The following USP42 variants were observed in gnomAD, a reference collection of about 807,000 sequenced individuals.
The protein encoded by USP42 is ubiquitin specific peptidase 42, also known as ubiquitin carboxyl-terminal hydrolase 42.
A neutral mutation model predicts 113.0 loss-of-function variants in USP42; 23 were observed. The observed-to-expected ratio is 0.20, with a 90% CI of 0.15 to 0.29. The LOEUF (loss-of-function observed/expected upper bound fraction) is 0.29. USP42 is among the 10% of genes least tolerant of loss of function. The pLI is 1.00. For missense variants in USP42, 2,174 were observed against 1,779.8 expected, an observed-to-expected ratio of 1.22 and a Z score of -3.99; for synonymous variants, 933 against 699.0, an observed-to-expected ratio of 1.33 and a Z score of -5.28.
chr7:6,134,152 A>G (rs1445449564), intron 3 of USP42, among the ~76,000 whole-genome samples: 1 of 151,936 alleles, frequency 6.6e-6, no homozygotes, highest in Non-Finnish European at 1.5e-5. Flanking sequence ...TAGCTTCCCA[A>G]AGTGCTGGGA....
Position 6,154,867 on chromosome 7 carries a change from C to T in USP42, c.3313C>T (p.Pro1105Ser). 6.6e-7 allele frequency: 1 copy of T among 1,525,608 alleles called. No individual in the cohort carries two copies. Among genetic ancestry groups the T allele is most frequent in the South Asian group, 1.2e-5 (1 of 81,630 alleles). The allele number at this position is 1,525,608 out of a possible 1,614,324, so 94.5% of individuals were successfully genotyped here. ...CAACCGGGGCCGTAGGGGCTGCGAGCCGGCCCGGGAGAGGGAGCGGCACCG... is the reference window on the plus strand; with the variant it reads ...CAACCGGGGCCGTAGGGGCTGCGAGTCGGCCCGGGAGAGGGAGCGGCACCG... ...DHNRGRRGCEPARERERHRPS... is the reference protein window; with the variant it reads ...DHNRGRRGCESARERERHRPS... Residue 1105 changes from proline to serine, a missense_variant, in exon 15 of 18, where the codon CCG (proline) becomes TCG (serine). Coordinates refer to ENST00000306177, the MANE Select transcript of USP42 (RefSeq NM_032172.3).
chr7:6,160,094 T>C (rs989953605), intron 17 of USP42, among the ~76,000 whole-genome samples: 4 of 152,196 alleles, frequency 2.6e-5, no homozygotes, highest in African/African-American at 9.6e-5. Flanking sequence ...CTGACCCTTG[T>C]GGAGCTAGAG....
chr7:6,154,507 C>T lies in USP42; in HGVS notation c.2953C>T (p.Pro985Ser). ...CCGTCACCGGCGGCGCCGCACCTGCCCCCGGGAGCGCGACCGCCAGGACCG... is the reference window on the plus strand; with the variant it reads ...CCGTCACCGGCGGCGCCGCACCTGCTCCCGGGAGCGCGACCGCCAGGACCG... ...GHRHRRRRTC[P>S]RERDRQDRHA... The change falls in exon 15 of 18, where the codon CCC becomes TCC. Residue 985 changes from proline (P) to serine (S), a missense_variant. Coordinates refer to ENST00000306177, the MANE Select transcript of USP42 (RefSeq NM_032172.3). 2.6e-6 allele frequency: 4 copies of T among 1,542,468 alleles called. No homozygotes were observed. Among genetic ancestry groups the T allele is most frequent in the Non-Finnish European group, 3.5e-6 (4 of 1,144,066 alleles).
At chr7:6,147,943 A>C in intron 12 of USP42, 51 bp downstream of exon 12, 1 of 1,530,968 alleles carries the variant, frequency 6.5e-7, no homozygotes, top group Non-Finnish European at 8.9e-7. Flanking sequence ...TTAAAATGTA[A>C]CTTCAAACTC....
chr7:6,147,903 T>G lies in USP42; in HGVS notation c.1386+11T>G. 6.3e-7 allele frequency: 1 copy of G among 1,575,800 alleles called. No homozygotes were observed. The highest frequency in any genetic ancestry group is 8.6e-7 in the Non-Finnish European group (1 of 1,156,346). On this transcript the variant is annotated intron_variant, in intron 12 of 17. Transcript: ENST00000306177. ...TCTCACATGATAAAGGTAACAGTCC[T>G]TAGGGAGAAGAACATTTTTATGTTA...
the USP42 span, among the ~76,000 whole-genome samples, chr7:6,094,050 T>C: frequency 2.7e-5 from 4 of 150,568 alleles, 1 homozygote; most frequent in African/African-American, 1.0e-4. Context: ...CCGGCTAATT[T>C]TTTTTGTATT....
Position 6,146,187 on chromosome 7 carries a change from G to A in USP42, c.1171G>A (p.Val391Ile). 6 of 1,604,314 alleles carry A rather than the reference G, an allele frequency of 3.7e-6. No individual in the cohort carries two copies. Among genetic ancestry groups the A allele is most frequent in the Non-Finnish European group, 5.1e-6 (6 of 1,175,712 alleles). The part of the protein sequence containing the change: ...GLWYQMNDSI[V>I]STSDIRSVLS... Reference sequence around the variant, plus strand: ...CTGGTATCAAATGAATGACTCCATTGTATCTACCAGTGATATTAGATCGGT... The same window carrying A: ...CTGGTATCAAATGAATGACTCCATTATATCTACCAGTGATATTAGATCGGT... Residue 391 changes from valine (V) to isoleucine (I), a missense_variant, in exon 11 of 18, where the codon GTA (valine) becomes ATA (isoleucine). Physicochemically the swap from Val to Ile is conservative, Grantham distance 29 (BLOSUM62 3). Coordinates refer to ENST00000306177, the MANE Select transcript of USP42 (RefSeq NM_032172.3).
chr7:6,136,884 C>T (rs1411730852), intron 4 of USP42, among the ~76,000 whole-genome samples: 1 of 150,798 alleles, frequency 6.6e-6, no homozygotes, highest in Non-Finnish European at 1.5e-5. Flanking sequence ...CTCAAGTGAT[C>T]CTCTTGCCCC....
Position 6,157,365 on chromosome 7 carries a change from C to CTTGGT in USP42, c.3943+323_3943+327dup, listed in dbSNP as rs903270626. ...CTTTGCCTTGCAAAGGACCAGAACT[C>CTTGGT]TTGGTTTGGTTTGGTTTTATTTTAT... On this transcript the variant is annotated intron_variant, in intron 16 of 17. Transcript: ENST00000306177. The surrounding 1 kb of genome is among the most constrained non-coding windows in gnomAD (Gnocchi z 4.1). The CTTGGT allele has an allele frequency of 3.8e-6, 4 of 1,056,234 alleles. No individual in the cohort carries two copies. The highest frequency in any genetic ancestry group is 2.6e-4 in the Middle Eastern group (1 of 3,906). 65.4% of individuals were successfully genotyped at this position (1,056,234 alleles called of 1,614,324 possible).
chr7:6,116,498 TA>T (rs1223291900), intron 3 of USP42: 1 of 233,574 alleles, frequency 4.3e-6, no homozygotes, highest in Non-Finnish European at 8.3e-6. Context: ...TGATCTAAAT[TA>T]ATGGCTCAGA....
chr7:6,143,997 T>G (rs1430637922), intron 8 of USP42, 88 bp from the exon 9 acceptor site: 5 of 786,940 alleles, frequency 6.4e-6, no homozygotes, highest in Non-Finnish European at 7.6e-6. Context: ...ATATGTAATG[T>G]TTGAGAATAG....
intron 6 of USP42, 34 bp from the exon 7 acceptor site, chr7:6,140,879 CT>C: frequency 8.3e-7 from 1 of 1,202,000 alleles, no homozygotes; most frequent in Non-Finnish European, 1.2e-6. Flanking sequence ...AATGATTATA[CT>C]TTGCTCATCT....
the USP42 span, among the ~76,000 whole-genome samples, chr7:6,099,375 C>T: frequency 6.7e-6 from 1 of 148,636 alleles, no homozygotes; most frequent in African/African-American, 2.5e-5. Flanking sequence ...CCACCATGCC[C>T]GGCTAATTTT....
the USP42 span, among the ~76,000 whole-genome samples, chr7:6,082,618 T>TTG: frequency 8.7e-6 from 1 of 114,506 alleles, no homozygotes; most frequent in Non-Finnish European, 1.9e-5. Context: ...TTTTTTTTTT[T>TTG]TTTTTTTTTT....
At chr7:6,096,687 G>A in the USP42 span, among the ~76,000 whole-genome samples, 192 of 151,382 alleles carry the variant, frequency 1.3e-3, 11 homozygotes, top group African/African-American at 3.9e-3. Flanking sequence ...TTAATCCCAA[G>A]TTCCTATAAT....
chr7:6,150,199 A>G lies in USP42; in HGVS notation c.2003A>G (p.Asp668Gly). ...GCTAATAGTGCAGACAGCGACAGTG[A>G]CCCGAAAGAAAACGGCCTAGCGCCT... ...NGANSADSDS[D>G]PKENGLAPDG... The change falls in exon 13 of 18, where the codon GAC becomes GGC. Residue 668 changes from aspartate to glycine, a missense_variant. Physicochemically the swap from Asp to Gly is moderately conservative, Grantham distance 94 (BLOSUM62 -1). Transcript: ENST00000306177. The G allele has an allele frequency of 6.2e-7, 1 of 1,613,914 alleles. No individual in the cohort carries two copies. Among genetic ancestry groups the G allele is most frequent in the South Asian group, 1.1e-5 (1 of 91,088 alleles).
rs1379054786 is a variant in USP42 at position 6,158,134 on chromosome 7, C to T, written c.3943+1079C>T. 6.6e-6 allele frequency among the ~76,000 whole-genome samples: 1 copy of T among 152,190 alleles called. No homozygotes were observed. The highest frequency in any genetic ancestry group is 2.4e-5 in the African/African-American group (1 of 41,460). On this transcript the variant is annotated intron_variant, in intron 16 of 17. Coordinates refer to ENST00000306177, the MANE Select transcript of USP42 (RefSeq NM_032172.3). The surrounding 1 kb of genome is among the most constrained non-coding windows in gnomAD (Gnocchi z 4.2). The stretch of plus-strand genomic sequence containing the variant: ...TTGGAAATAATCCCAAAGAACAATG[C>T]GTTTCACATGAAAATGATGTGAAAT...
intron 3 of USP42, among the ~76,000 whole-genome samples, chr7:6,121,906 C>A (rs1490199100): frequency 6.6e-6 from 1 of 152,158 alleles, no homozygotes; most frequent in Non-Finnish European, 1.5e-5. Context: ...AATGATCCTC[C>A]CCGCTTGGCC....
chr7:6,154,164 A>C lies in USP42; in HGVS notation c.2610A>C (p.Pro870=). 2 of 1,595,138 alleles carry C rather than the reference A, an allele frequency of 1.3e-6. No individual in the cohort carries two copies. Among genetic ancestry groups the C allele is most frequent in the East Asian group, 2.2e-5 (1 of 44,520 alleles). ...PARSEEPCEQ[P]LLVHPSGDHA... is the part of the protein sequence containing the mutation. ...GGTCGGAGGAGCCCTGCGAGCAGCC[A>C]CTCCTTGTTCACCCCAGCGGGGACC... Residue 870 remains proline (P), a synonymous_variant, in exon 15 of 18, where the codon CCA becomes CCC. Transcript: ENST00000306177.
Sources: allele counts gnomAD v4.1 joint callset (sites outside exome capture counted in the v4.1 genomes callset), GRCh38; gene constraint gnomAD v4.1.1; non-coding constraint Gnocchi (gnomAD v3.1); transcripts MANE v1.5; gene names NCBI Gene and HGNC (gene_info 2026-07-23, HGNC 2026-07-21).